RBFOX1: variants seen among roughly 807,000 people sequenced by gnomAD.
The protein encoded by RBFOX1 is RNA binding protein fox-1 homolog 1.
In RBFOX1, 8 loss-of-function variants were observed where a neutral mutation model predicts 57.7. The observed-to-expected ratio is 0.14, with a 90% CI of 0.08 to 0.25. RBFOX1 has a LOEUF of 0.25. Ranked by LOEUF, RBFOX1 falls within the 10% of genes least tolerant of loss-of-function variation. The probability of loss-of-function intolerance (pLI) is 1.00; values close to 1 mark genes in which losing one functional copy is unlikely to be tolerated. For synonymous variants in RBFOX1, 326 were observed against 222.4 expected, an observed-to-expected ratio of 1.47 and a Z score of -4.15; for missense variants, 611 against 548.5, an observed-to-expected ratio of 1.11 and a Z score of -1.14.
intron 14 of RBFOX1, among the ~76,000 whole-genome samples, chr16:7,701,937 G>C (rs1022309868): frequency 6.6e-6 from 1 of 152,198 alleles, no homozygotes; most frequent in Non-Finnish European, 1.5e-5. Flanking sequence ...AAACCAGGGT[G>C]CATGGCCTGA....
chr16:7,278,714 A>G (rs531759526), intron 4 of RBFOX1, among the ~76,000 whole-genome samples: 58 of 152,318 alleles, frequency 3.8e-4, no homozygotes, highest in Admixed American at 1.1e-3. Context: ...ACATATTACA[A>G]ATTGCCAACT....
At chr16:6,507,953 G>A (rs1180493194) in intron 2 of RBFOX1, among the ~76,000 whole-genome samples, 1 of 152,010 alleles carries the variant, frequency 6.6e-6, no homozygotes, top group Non-Finnish European at 1.5e-5. Context: ...GCAAAGACAT[G>A]GAATCAACCT....
intron 1 of RBFOX1, among the ~76,000 whole-genome samples, chr16:5,402,135 G>C (rs1247039932): frequency 6.9e-6 from 1 of 143,952 alleles, no homozygotes. Flanking sequence ...CAAGAGGAAG[G>C]GGCAGAGACC....
intron 2 of RBFOX1, among the ~76,000 whole-genome samples, chr16:6,381,790 C>T (rs1353923399): frequency 5.3e-5 from 8 of 152,192 alleles, no homozygotes; most frequent in African/African-American, 1.4e-4. Context: ...CTGTGTCCCT[C>T]GGGATTCCAG....
chr16:7,263,481 G>C (rs1343243501), intron 4 of RBFOX1, among the ~76,000 whole-genome samples: 1 of 152,134 alleles, frequency 6.6e-6, no homozygotes, highest in East Asian at 1.9e-4. Flanking sequence ...ATTTAAACCA[G>C]TGTCTCTGGA....
chr16:7,603,022 C>G (rs1357358093), intron 9 of RBFOX1, among the ~76,000 whole-genome samples: 1 of 152,168 alleles, frequency 6.6e-6, no homozygotes, highest in Non-Finnish European at 1.5e-5. Context: ...AAATTCTTGA[C>G]ATAAATTAAA....
intron 1 of RBFOX1, among the ~76,000 whole-genome samples, chr16:5,312,207 T>G (rs2064110596): frequency 6.6e-6 from 1 of 152,226 alleles, no homozygotes; most frequent in Non-Finnish European, 1.5e-5. Flanking sequence ...GAAGCTTACT[T>G]CGGGTGAAAG....
chr16:5,562,043 GT>G (rs953476296), intron 2 of RBFOX1, among the ~76,000 whole-genome samples: 1 of 152,118 alleles, frequency 6.6e-6, no homozygotes, highest in African/African-American at 2.4e-5. Flanking sequence ...TTTGTCAGCT[GT>G]TTTTTATTTC....
intron 4 of RBFOX1, among the ~76,000 whole-genome samples, chr16:7,121,073 A>AT (rs754801837): frequency 5.9e-4 from 90 of 152,008 alleles, no homozygotes; most frequent in Non-Finnish European, 1.0e-3. Flanking sequence ...TACATTGATG[A>AT]TAAAAACTCT....
rs925137674 is a variant in RBFOX1, at chr16:5,592,112, C to T, written c.259-6790C>T. 9.2e-4 allele frequency among the ~76,000 whole-genome samples: 140 copies of T among 152,174 alleles called. 1 individual carries two copies. Among genetic ancestry groups the T allele is most frequent in the African/African-American group, 3.0e-3 (125 of 41,444 alleles). On this transcript the variant is annotated intron_variant, in intron 2 of 2. Coordinates refer to the RBFOX1 transcript ENST00000585867. ...AGGATTATGGGGATTTCTTAATGTG[C>T]ATAAGAGGTATTTGCATGACCATCT...
chr16:6,034,246 A>C (rs193279789), intron 1 of RBFOX1, among the ~76,000 whole-genome samples: 1 of 137,710 alleles, frequency 7.3e-6, no homozygotes, highest in Non-Finnish European at 1.5e-5. Context: ...GAGGCAGAAG[A>C]ATTGCTTGAA....
intron 4 of RBFOX1, among the ~76,000 whole-genome samples, chr16:5,934,572 C>T (rs1417087177): frequency 6.6e-6 from 1 of 152,036 alleles, no homozygotes; most frequent in Non-Finnish European, 1.5e-5. Flanking sequence ...ACAGATCCCG[C>T]CAAGTGTTTT....
At chr16:6,720,555 G>T (rs1236857026) in intron 3 of RBFOX1, among the ~76,000 whole-genome samples, 3 of 152,208 alleles carry the variant, frequency 2.0e-5, no homozygotes, top group Admixed American at 6.5e-5. Context: ...AAAGGCAGAG[G>T]CCCTGAGCTG....
At chr16:7,403,833 A>G (rs928054253) in intron 4 of RBFOX1, among the ~76,000 whole-genome samples, 9 of 151,952 alleles carry the variant, frequency 5.9e-5, no homozygotes, top group African/African-American at 2.2e-4. Flanking sequence ...GGCGTGAGCC[A>G]CCATGCCGGG....
intron 4 of RBFOX1, among the ~76,000 whole-genome samples, chr16:7,474,583 T>C (rs915892609): frequency 1.3e-5 from 2 of 152,222 alleles, no homozygotes; most frequent in South Asian, 4.1e-4. Context: ...AAAATTAAAG[T>C]GGCAGGACCG....
intron 2 of RBFOX1, among the ~76,000 whole-genome samples, chr16:5,551,357 C>G (rs1054710819): frequency 6.6e-6 from 1 of 152,188 alleles, no homozygotes; most frequent in South Asian, 2.1e-4. Context: ...CTCCCTGAAG[C>G]CCTAGATGCT....
intron 2 of RBFOX1, among the ~76,000 whole-genome samples, chr16:6,319,981 T>C (rs2081572898): frequency 1.3e-5 from 2 of 151,928 alleles, no homozygotes; most frequent in African/African-American, 2.4e-5. Context: ...TCTGTGATTA[T>C]AGGAATATTT....
intron 3 of RBFOX1, among the ~76,000 whole-genome samples, chr16:5,698,145 A>C (rs1054806095): frequency 1.3e-5 from 2 of 152,116 alleles, no homozygotes. Flanking sequence ...AAACTGCTTT[A>C]TTTGAGATTT....
At chr16:6,341,967 C>T (rs759434288) in intron 2 of RBFOX1, among the ~76,000 whole-genome samples, 4 of 152,192 alleles carry the variant, frequency 2.6e-5, no homozygotes, top group African/African-American at 4.8e-5. Flanking sequence ...ACCTTAATTC[C>T]ATCTACAACC....
Sources: allele counts gnomAD v4.1 joint callset (sites outside exome capture counted in the v4.1 genomes callset), GRCh38; gene constraint gnomAD v4.1.1; transcripts MANE v1.5; gene names NCBI Gene and HGNC (gene_info 2026-07-23, HGNC 2026-07-21).